The following BICD1 variants were observed in gnomAD, a reference collection of about 807,000 sequenced individuals.
BICD1 encodes the protein BICD cargo adaptor 1.
A neutral mutation model predicts 92.5 loss-of-function variants in BICD1; 35 were observed. The ratio of observed to expected loss-of-function variants is 0.38; its 90% CI spans 0.29 to 0.50. The LOEUF (loss-of-function observed/expected upper bound fraction) is 0.50. Among genes scored for constraint, BICD1 ranks in the 20% least tolerant of loss-of-function variants. The pLI, the probability that BICD1 is intolerant of heterozygous loss-of-function variation, is 0.93. For synonymous variants in BICD1, 429 were observed against 465.1 expected, an observed-to-expected ratio of 0.92 and a Z score of 1.00; for missense variants, 950 against 1,189.8, an observed-to-expected ratio of 0.80 and a Z score of 2.97.
intron 2 of BICD1, among the ~76,000 whole-genome samples, chr12:32,241,355 A>G (rs1051515466): frequency 2.0e-4 from 30 of 152,162 alleles, no homozygotes; most frequent in Admixed American, 5.2e-4. Flanking sequence ...TGAAGTTACA[A>G]TTTATTCTAA....
chr12:32,348,585 G>A (rs1938717239), intron 8 of BICD1, among the ~76,000 whole-genome samples: 1 of 151,754 alleles, frequency 6.6e-6, no homozygotes, highest in Admixed American at 6.6e-5. Flanking sequence ...GCCTTCAGAA[G>A]GTGGCTGTTT....
At chr12:32,285,879 G>A (rs1239820409) in intron 2 of BICD1, among the ~76,000 whole-genome samples, 1 of 152,184 alleles carries the variant, frequency 6.6e-6, no homozygotes, top group African/African-American at 2.4e-5. Flanking sequence ...ATGATGAATG[G>A]TGCAAAACAC....
intron 1 of BICD1, among the ~76,000 whole-genome samples, chr12:32,152,324 C>G (rs908943990): frequency 6.6e-6 from 1 of 151,542 alleles, no homozygotes; most frequent in African/African-American, 2.4e-5. Flanking sequence ...TCATAGCTCA[C>G]TTTAACCTTG....
chr12:32,290,644 C>T (rs1302332662), intron 2 of BICD1, among the ~76,000 whole-genome samples: 1 of 152,158 alleles, frequency 6.6e-6, no homozygotes, highest in Non-Finnish European at 1.5e-5. Context: ...TCTAATTACC[C>T]TTGATATCTG....
chr12:32,156,316 G>T (rs1214329602), intron 1 of BICD1, among the ~76,000 whole-genome samples: 2 of 152,172 alleles, frequency 1.3e-5, no homozygotes, highest in Non-Finnish European at 2.9e-5. Context: ...TGTGTGTGAG[G>T]TGCCTGCACT....
intron 2 of BICD1, among the ~76,000 whole-genome samples, chr12:32,287,693 C>T (rs1383608549): frequency 6.6e-6 from 1 of 152,110 alleles, no homozygotes; most frequent in Non-Finnish European, 1.5e-5. Flanking sequence ...CCCGCCACCA[C>T]ACCTGGTTAC....
At chr12:32,294,731 G>A (rs567833628) in intron 3 of BICD1, among the ~76,000 whole-genome samples, 2 of 150,678 alleles carry the variant, frequency 1.3e-5, no homozygotes, top group East Asian at 3.9e-4. Context: ...TCTGTAAATT[G>A]CTTTCAAATC....
chr12:32,328,692 T>C lies in BICD1; in HGVS notation c.2100+137T>C. ...AAGTGGATAAATAAAACTGTCCCAG[T>C]GCCAGATCAGAATGTCATAATAATT... On this transcript the variant is annotated intron_variant, in intron 5 of 9. Coordinates refer to ENST00000652176, the MANE Select transcript of BICD1 (RefSeq NM_001714.4). The surrounding 1 kb of genome is among the most constrained non-coding windows in gnomAD (Gnocchi z 4.4). The C allele has an allele frequency of 8.3e-7, 1 of 1,205,422 alleles. No homozygotes were observed. Among genetic ancestry groups the C allele is most frequent in the Non-Finnish European group, 1.1e-6 (1 of 879,024 alleles). The allele number at this position is 1,205,422 out of a possible 1,614,324, so 74.7% of individuals were successfully genotyped here.
intron 8 of BICD1, among the ~76,000 whole-genome samples, chr12:32,342,538 A>C (rs1208988641): frequency 6.6e-6 from 1 of 152,126 alleles, no homozygotes; most frequent in African/African-American, 2.4e-5. Context: ...GGCGTGAGCC[A>C]CTGTGCCCAG....
chr12:32,110,457 A>G (rs1024954433), intron 1 of BICD1, among the ~76,000 whole-genome samples: 1 of 152,196 alleles, frequency 6.6e-6, no homozygotes, highest in Non-Finnish European at 1.5e-5. Flanking sequence ...TCTCCTTTTC[A>G]TGATTCTTTG....
At chr12:32,376,917 C>G (rs2136347780) in intron 9 of BICD1, among the ~76,000 whole-genome samples, 3 of 150,608 alleles carry the variant, frequency 2.0e-5, no homozygotes, top group Admixed American at 2.0e-4. Context: ...CTTATACCTC[C>G]AAGCCCAAGC....
intron 9 of BICD1, among the ~76,000 whole-genome samples, chr12:32,375,509 G>A (rs1444614271): frequency 2.0e-5 from 3 of 152,096 alleles, no homozygotes; most frequent in Non-Finnish European, 2.9e-5. Flanking sequence ...CTGCCTGGGC[G>A]ACAGTGAGAT....
chr12:32,206,209 C>T lies in BICD1; in HGVS notation c.214-10038C>T, dbSNP rs563372251. 9.9e-5 allele frequency among the ~76,000 whole-genome samples: 15 copies of T among 152,220 alleles called. No individual in the cohort carries two copies. The South Asian group carries it at 3.1e-3, about 32-fold the overall frequency. On this transcript the variant is annotated intron_variant, in intron 1 of 9. Transcript: ENST00000652176. ...TCATTTGTCTTGGATAAATAAATAC[C>T]TAGGAGTGGAATGGTTGGATTGCAT... is the stretch of plus-strand genomic sequence containing the variant.
chr12:32,216,397 G>A lies in BICD1; in HGVS notation c.364G>A (p.Val122Met), dbSNP rs746097394. ...MQNELKQSRAVVTNVQAENER... is the reference protein window; with the variant it reads ...MQNELKQSRAMVTNVQAENER... ...GAACGAGCTGAAACAGAGCCGGGCT[G>A]TGGTCACTAATGTACAGGCAGAAAA... is the stretch of plus-strand genomic sequence containing the variant. Residue 122 changes from valine (V) to methionine (M), a missense_variant, in exon 2 of 10, where the codon GTG (valine) becomes ATG (methionine). Physicochemically the swap from Val to Met is conservative, Grantham distance 21. Transcript: ENST00000652176. 1.2e-6 allele frequency: 2 copies of A among 1,614,200 alleles called. No individual in the cohort carries two copies. The highest frequency in any genetic ancestry group is 3.3e-5 in the Admixed American group (2 of 60,022).
At chr12:32,119,475 T>A (rs554640320) in intron 1 of BICD1, among the ~76,000 whole-genome samples, 2 of 152,324 alleles carry the variant, frequency 1.3e-5, no homozygotes, top group African/African-American at 4.8e-5. Flanking sequence ...GGCTTCAGCA[T>A]GTGAATCCCA....
chr12:32,362,088 A>C (rs1056852507), intron 8 of BICD1, among the ~76,000 whole-genome samples: 1 of 152,222 alleles, frequency 6.6e-6, no homozygotes, highest in Non-Finnish European at 1.5e-5. Context: ...GGCTGGGCGC[A>C]GTGGCTCACG....
At chr12:32,147,848 A>G (rs1943161261) in intron 1 of BICD1, among the ~76,000 whole-genome samples, 1 of 152,266 alleles carries the variant, frequency 6.6e-6, no homozygotes, top group Non-Finnish European at 1.5e-5. Flanking sequence ...CTATATCTCT[A>G]CTGCAGTAGG....
chr12:32,267,632 T>G (rs1488704469), intron 2 of BICD1, among the ~76,000 whole-genome samples: 4 of 151,400 alleles, frequency 2.6e-5, no homozygotes, highest in African/African-American at 9.7e-5. Context: ...TTTTTTTGTT[T>G]CTTATTTAAG....
intron 2 of BICD1, among the ~76,000 whole-genome samples, chr12:32,245,646 T>G (rs925782257): frequency 6.6e-6 from 1 of 151,732 alleles, no homozygotes; most frequent in Non-Finnish European, 1.5e-5. Context: ...GAGCATAATA[T>G]TGCAATATAG....
Sources: allele counts gnomAD v4.1 joint callset (sites outside exome capture counted in the v4.1 genomes callset), GRCh38; gene constraint gnomAD v4.1.1; non-coding constraint Gnocchi (gnomAD v3.1); transcripts MANE v1.5; gene names NCBI Gene and HGNC (gene_info 2026-07-23, HGNC 2026-07-21).